Variants in SCUBE2 observed in about 807,000 individuals in gnomAD.
SCUBE2 encodes signal peptide, CUB domain and EGF like domain containing 2, also known as signal peptide, CUB and EGF-like domain-containing protein 2.
A neutral mutation model predicts 125.9 loss-of-function variants in SCUBE2; 114 were observed. That is an observed-to-expected ratio of 0.91 (90% CI 0.78 to 1.06). The LOEUF (loss-of-function observed/expected upper bound fraction) is 1.06, where lower values mean the gene tolerates loss of function less well. Among genes scored for constraint, SCUBE2 ranks in the 50% least tolerant of loss-of-function variants. The pLI is 0.00. For missense variants in SCUBE2, 1,255 were observed against 1,301.8 expected (o/e 0.96, Z 0.55); for synonymous variants, 459 against 492.9 (o/e 0.93, Z 0.91).
In SCUBE2 at chr11:9,027,417, A is replaced by G. The variant is rs1436814745; in HGVS notation, c.2648T>C (p.Ile883Thr). 6.2e-7 allele frequency: 1 copy of G among 1,613,896 alleles called. No individual in the cohort carries two copies. Among genetic ancestry groups the G allele is most frequent in the Non-Finnish European group, 8.5e-7 (1 of 1,179,966 alleles). ...KRRILIVVPE[I>T]FLPIEDDCGD... ...ACAGTCGTCCTCTATGGGCAGGAAG[A>G]TCTCAGGGACCACGATCAGGATGCG... The change falls in exon 20 of 23, where the codon ATC (isoleucine) becomes ACC (threonine). Residue 883 changes from isoleucine to threonine, a missense_variant. Around this residue, in one of 3 missense-constraint regions of SCUBE2, gnomAD observed 515 missense variants for 515.7 expected, o/e 1.00. Coordinates refer to ENST00000649792, the MANE Select transcript of SCUBE2 (RefSeq NM_001367977.2).
At chr11:9,057,769 G>A (rs1053143081) in intron 9 of SCUBE2, among the ~76,000 whole-genome samples, 1 of 152,168 alleles carries the variant, frequency 6.6e-6, no homozygotes, top group African/African-American at 2.4e-5. Flanking sequence ...CTGGCCACAA[G>A]TGATCGACCT....
chr11:9,059,989 C>G (rs1859500352), intron 8 of SCUBE2, among the ~76,000 whole-genome samples: 1 of 152,210 alleles, frequency 6.6e-6, no homozygotes, highest in Non-Finnish European at 1.5e-5. Flanking sequence ...GGTCGCTCTT[C>G]ATCAGTAAAA....
intron 16 of SCUBE2, among the ~76,000 whole-genome samples, chr11:9,039,681 C>G (rs1857036817): frequency 6.6e-6 from 1 of 152,128 alleles, no homozygotes; most frequent in South Asian, 2.1e-4. Flanking sequence ...CGAAGCTCCT[C>G]TGGTTTAGAA....
At chr11:9,089,632 A>T (rs982808227) in intron 2 of SCUBE2, 75 bp downstream of exon 2, 2 of 1,536,272 alleles carry the variant, frequency 1.3e-6, no homozygotes, top group Non-Finnish European at 1.8e-6. Context: ...TTTTACCAAC[A>T]TAAGTGGCCA....
intron 14 of SCUBE2, among the ~76,000 whole-genome samples, chr11:9,049,391 A>G (rs1306368979): frequency 6.6e-6 from 1 of 152,076 alleles, no homozygotes; most frequent in African/African-American, 2.4e-5. Flanking sequence ...CTACAGGCAC[A>G]AACCACTAGG....
intron 22 of SCUBE2, 74 bp downstream of exon 22, chr11:9,021,802 A>T: frequency 9.0e-7 from 1 of 1,110,658 alleles, no homozygotes; most frequent in Non-Finnish European, 1.4e-6. Flanking sequence ...AAGGAGCAGG[A>T]GGAGAAGCCT....
At chr11:9,058,260 C>G (rs921364903) in intron 9 of SCUBE2, among the ~76,000 whole-genome samples, 1 of 152,050 alleles carries the variant, frequency 6.6e-6, no homozygotes, top group South Asian at 2.1e-4. Flanking sequence ...GTTAGGAATT[C>G]GAGACCAGCC....
At chr11:9,067,009 G>C (rs1860312804) in intron 5 of SCUBE2, among the ~76,000 whole-genome samples, 196 bp from the exon 6 acceptor site, 1 of 152,194 alleles carries the variant, frequency 6.6e-6, no homozygotes, top group Admixed American at 6.5e-5. Flanking sequence ...AATACAAATT[G>C]TAGAAATGCT....
chr11:9,029,847 T>C (rs763967307), intron 19 of SCUBE2, 37 bp downstream of exon 19: 1 of 1,612,870 alleles, frequency 6.2e-7, no homozygotes, highest in Non-Finnish European at 8.5e-7. Flanking sequence ...CCTATCTTCT[T>C]AGCCAGAACT....
At chr11:9,033,594 G>A in intron 17 of SCUBE2, 32 bp downstream of exon 17, 1 of 1,602,394 alleles carries the variant, frequency 6.2e-7, no homozygotes, top group Admixed American at 1.7e-5. Context: ...TCAGAGATGG[G>A]AGGAGTAGGA....
intron 13 of SCUBE2, among the ~76,000 whole-genome samples, chr11:9,052,231 G>A (rs1858489785): frequency 1.3e-5 from 2 of 152,242 alleles, no homozygotes; most frequent in South Asian, 2.1e-4. Context: ...ACATCAGGAT[G>A]TAATATGAAC....
At position 9,050,711 on chromosome 11, in the gene SCUBE2, C is replaced by T. The variant is rs762312824; in HGVS notation, c.1535-1G>A. On this transcript the variant is annotated splice_acceptor_variant, in intron 13 of 22. Coordinates refer to ENST00000649792, the MANE Select transcript of SCUBE2 (RefSeq NM_001367977.2). LOFTEE classifies it high-confidence loss of function. ...ACACTTGTCCTGATGGTGGTGACAT[C>T]TTCAGAAAGAAACAAGTGAGAGATG... 142 of 1,610,958 alleles carry T rather than the reference C, an allele frequency of 8.8e-5. No individual in the cohort carries two copies. Among genetic ancestry groups the T allele is most frequent in the Non-Finnish European group, 1.2e-4 (140 of 1,177,172 alleles).
rs139856572 is a variant in SCUBE2 at position 9,027,431 on chromosome 11, G to A, written c.2634C>T (p.Ile878=). 67 of 1,613,970 alleles carry A rather than the reference G, an allele frequency of 4.2e-5. No individual in the cohort carries two copies. Among genetic ancestry groups the A allele is most frequent in the Admixed American group, 2.0e-4 (12 of 59,988 alleles). Residue 878 remains isoleucine, a synonymous_variant, in exon 20 of 23, where the codon ATC becomes ATT. Coordinates refer to ENST00000649792, the MANE Select transcript of SCUBE2 (RefSeq NM_001367977.2). ...INPPPKRRIL[I]VVPEIFLPIE... ...TGGGCAGGAAGATCTCAGGGACCAC[G>A]ATCAGGATGCGGCGCTTGGGGGGTG...
intron 9 of SCUBE2, among the ~76,000 whole-genome samples, chr11:9,056,492 T>G (rs1564825205): frequency 6.6e-6 from 1 of 152,194 alleles, no homozygotes; most frequent in African/African-American, 2.4e-5. Flanking sequence ...AATTTTCTCT[T>G]TGCAGGCCCT....
chr11:9,056,519 G>C (rs1430523920), intron 9 of SCUBE2, among the ~76,000 whole-genome samples: 1 of 152,160 alleles, frequency 6.6e-6, no homozygotes, highest in African/African-American at 2.4e-5. Flanking sequence ...TGGTAGTTCA[G>C]CTCCACATTG....
chr11:9,075,775 G>C (rs1204244135), intron 3 of SCUBE2, among the ~76,000 whole-genome samples: 1 of 152,264 alleles, frequency 6.6e-6, no homozygotes, highest in Non-Finnish European at 1.5e-5. Context: ...AGTGGCGACA[G>C]CACTGCGGCT....
In SCUBE2 at chr11:9,079,537, A is replaced by T. The variant is rs763129879; in HGVS notation, c.257-28T>A. 1.4e-5 allele frequency: 23 copies of T among 1,608,556 alleles called. No homozygotes were observed. In the Admixed American group the frequency reaches 3.9e-4, roughly 27 times the overall value. On this transcript the variant is annotated intron_variant, in intron 2 of 22. Coordinates refer to ENST00000649792, the MANE Select transcript of SCUBE2 (RefSeq NM_001367977.2). The stretch of plus-strand genomic sequence containing the variant: ...GAGGAATAAAACAGAAGTAAACCAG[A>T]CAGGTGCTATTTCTTTGATGTGAAA...
At chr11:9,073,962 A>C (rs1422994109) in intron 4 of SCUBE2, among the ~76,000 whole-genome samples, 6 of 152,198 alleles carry the variant, frequency 3.9e-5, no homozygotes, top group Admixed American at 2.0e-4. Context: ...CACAGCACGG[A>C]AAGTCCAGGG....
At chr11:9,087,344 G>A (rs1862177197) in intron 2 of SCUBE2, among the ~76,000 whole-genome samples, 1 of 152,230 alleles carries the variant, frequency 6.6e-6, no homozygotes, top group African/African-American at 2.4e-5. Context: ...GAGGACGTGA[G>A]TTATCCACAT....
Sources: allele counts gnomAD v4.1 joint callset (sites outside exome capture counted in the v4.1 genomes callset), GRCh38; gene constraint gnomAD v4.1.1; regional missense constraint gnomAD v4.1.1; transcripts MANE v1.5; gene names NCBI Gene and HGNC (gene_info 2026-07-23, HGNC 2026-07-21).